Variants in ALLC observed in about 807,000 individuals in gnomAD.
ALLC encodes probable inactive allantoicase.
In ALLC, 40 loss-of-function variants were observed where a neutral mutation model predicts 45.0. The ratio of observed to expected loss-of-function variants is 0.89; its 90% CI spans 0.69 to 1.16. The LOEUF is 1.16. ALLC is among the 50% of genes most tolerant of loss of function. The pLI, the probability that ALLC is intolerant of heterozygous loss-of-function variation, is 0.00. For missense variants in ALLC, 488 were observed against 493.1 expected (o/e 0.99, Z 0.10); for synonymous variants, 176 against 178.1 (o/e 0.99, Z 0.09).
chr2:3,669,923 T>C (rs1157479435), intron 1 of ALLC, among the ~76,000 whole-genome samples: 1 of 152,154 alleles, frequency 6.6e-6, no homozygotes, highest in Non-Finnish European at 1.5e-5. Flanking sequence ...GAAATTCATG[T>C]CGGGAAGGTG....
intron 7 of ALLC, among the ~76,000 whole-genome samples, chr2:3,689,505 G>T (rs111480838): frequency 0.011 from 1,724 of 150,994 alleles, 68 homozygotes; most frequent in African/African-American, 0.039. Flanking sequence ...ACATGTGTTT[G>T]TGTATTTTCC....
intron 1 of ALLC, among the ~76,000 whole-genome samples, chr2:3,667,075 T>C (rs959931451): frequency 1.1e-4 from 16 of 152,334 alleles, no homozygotes; most frequent in Admixed American, 9.8e-4. Context: ...CATCAGCTCC[T>C]GTGGTTCCCT....
chr2:3,690,251 TCCCTTCCCTTCCCTC>T (rs1667441472), intron 7 of ALLC, among the ~76,000 whole-genome samples: 1 of 23,980 alleles, frequency 4.2e-5, no homozygotes, highest in Non-Finnish European at 8.1e-5. Flanking sequence ...CCCCTCCCCT[TCCCTTCCCTTCCCTC>T]CCCCCTCCCC....
At chr2:3,702,298 T>TG in intron 11 of ALLC, 65 bp from the exon 12 acceptor site, 1 of 1,456,546 alleles carries the variant, frequency 6.9e-7, no homozygotes. Context: ...GCCCGGGCCG[T>TG]GGGCTCATTC....
chr2:3,657,987 G>A (rs900280386), upstream of ALLC, among the ~76,000 whole-genome samples: 8 of 152,260 alleles, frequency 5.3e-5, no homozygotes, highest in Admixed American at 1.3e-4. Context: ...GCCAGTGGCC[G>A]GAGGCAGCTT....
intron 1 of ALLC, among the ~76,000 whole-genome samples, chr2:3,668,817 C>T (rs1000341228): frequency 5.9e-5 from 9 of 151,540 alleles, no homozygotes; most frequent in Non-Finnish European, 1.2e-4. Context: ...CTCAGGTGAT[C>T]TGCCCACCTC....
the ALLC span, among the ~76,000 whole-genome samples, chr2:3,650,276 T>C: frequency 1.3e-5 from 2 of 152,174 alleles, no homozygotes; most frequent in Non-Finnish European, 2.9e-5. Flanking sequence ...TCCAGGTTCC[T>C]GCAGGAGCTC....
chr2:3,671,404 G>A (rs1490899390), intron 2 of ALLC, among the ~76,000 whole-genome samples: 1 of 152,268 alleles, frequency 6.6e-6, no homozygotes, highest in African/African-American at 2.4e-5. Context: ...GATTTTGTGT[G>A]TTTCACTAGA....
intron 3 of ALLC, among the ~76,000 whole-genome samples, chr2:3,676,674 T>C (rs976894032): frequency 6.6e-6 from 1 of 152,220 alleles, no homozygotes; most frequent in African/African-American, 2.4e-5. Context: ...TGGCCCCCTT[T>C]CCTTGTTGAT....
intron 3 of ALLC, among the ~76,000 whole-genome samples, chr2:3,676,401 C>G (rs1249013128): frequency 6.6e-6 from 1 of 152,078 alleles, no homozygotes; most frequent in Non-Finnish European, 1.5e-5. Flanking sequence ...TCCTGCCTCA[C>G]TGGGACTACA....
intron 8 of ALLC, among the ~76,000 whole-genome samples, 161 bp from the exon 9 acceptor site, chr2:3,696,113 AC>A (rs1667663952): frequency 6.6e-6 from 1 of 152,186 alleles, no homozygotes; most frequent in Admixed American, 6.5e-5. Context: ...AATTTAACTA[AC>A]CCTATGATTG....
chr2:3,670,566 G>A (rs998298990), intron 1 of ALLC, among the ~76,000 whole-genome samples: 7 of 152,298 alleles, frequency 4.6e-5, no homozygotes, highest in African/African-American at 9.6e-5. Context: ...CGCTGGCCCC[G>A]TCTCTGTGGC....
chr2:3,651,225 CCA>C, the ALLC span, among the ~76,000 whole-genome samples: 1 of 150,916 alleles, frequency 6.6e-6, no homozygotes, highest in Non-Finnish European at 1.5e-5. Flanking sequence ...ACGGCGGCGC[CCA>C]CACAGGCGCG....
chr2:3,699,150 T>C (rs1371555642), intron 10 of ALLC, among the ~76,000 whole-genome samples: 1 of 152,194 alleles, frequency 6.6e-6, no homozygotes, highest in East Asian at 1.9e-4. Context: ...TGGTACCCGA[T>C]AAGTATTTTT....
chr2:3,697,487 T>C (rs776385560), intron 10 of ALLC, 31 bp downstream of exon 10: 1 of 1,569,946 alleles, frequency 6.4e-7, no homozygotes, highest in Non-Finnish European at 8.8e-7. Context: ...AAGTACCCTA[T>C]AATTGGTTTG....
At chr2:3,697,563 C>T (rs1409278483) in intron 10 of ALLC, 107 bp downstream of exon 10, 2 of 811,372 alleles carry the variant, frequency 2.5e-6, no homozygotes, top group Non-Finnish European at 4.0e-6. Context: ...TGTGGATTCC[C>T]CGTTTAAGCT....
intron 1 of ALLC, among the ~76,000 whole-genome samples, chr2:3,660,057 A>T (rs562297833): frequency 2.0e-5 from 3 of 152,310 alleles, no homozygotes; most frequent in East Asian, 3.9e-4. Flanking sequence ...CTCATGGTGC[A>T]ATCAGATCCC....
intron 1 of ALLC, among the ~76,000 whole-genome samples, chr2:3,663,669 TG>T (rs746846990): frequency 6.6e-6 from 1 of 152,304 alleles, no homozygotes; most frequent in Non-Finnish European, 1.5e-5. Context: ...TAGATGGTTT[TG>T]CAGTGTCATT....
At position 3,691,564 on chromosome 2, in the gene ALLC, G is replaced by C. The variant is rs186118958; in HGVS notation, c.512-4153G>C. Among the ~76,000 whole-genome samples, 15 of 152,202 alleles carry C rather than the reference G, an allele frequency of 9.9e-5. No homozygotes were observed. In the East Asian group the frequency reaches 2.7e-3, roughly 27 times the overall value. The stretch of plus-strand genomic sequence containing the variant: ...AGGCATGAGCCATCATACCCAGCCT[G>C]TCCTTGACCTTTAGGATTTTTTATA... On this transcript the variant is annotated intron_variant, in intron 7 of 11. Coordinates refer to ENST00000252505, the MANE Select transcript of ALLC (RefSeq NM_018436.4).
Sources: allele counts gnomAD v4.1 joint callset (sites outside exome capture counted in the v4.1 genomes callset), GRCh38; gene constraint gnomAD v4.1.1; transcripts MANE v1.5; gene names NCBI Gene and HGNC (gene_info 2026-07-23, HGNC 2026-07-21).